KCNIP4: variants seen among roughly 807,000 people sequenced by gnomAD.
KCNIP4 encodes Kv channel-interacting protein 4.
A neutral mutation model predicts 34.0 loss-of-function variants in KCNIP4; 12 were observed. That is an observed-to-expected ratio of 0.35 (90% confidence interval 0.23 to 0.57). The LOEUF is 0.57. Ranked by LOEUF, KCNIP4 falls within the 20% of genes least tolerant of loss-of-function variation. The pLI is 0.83. For missense variants in KCNIP4, 238 were observed against 311.7 expected (o/e 0.76, Z 1.78); for synonymous variants, 124 against 102.2 (o/e 1.21, Z -1.29).
chr4:21,908,530 G>A (rs1728124797), intron 1 of KCNIP4, among the ~76,000 whole-genome samples: 1 of 152,154 alleles, frequency 6.6e-6, no homozygotes, highest in Non-Finnish European at 1.5e-5. Flanking sequence ...GATCATGCTA[G>A]AGTGAAGTTT....
intron 1 of KCNIP4, among the ~76,000 whole-genome samples, chr4:20,901,270 T>G (rs57965307): frequency 0.18 from 27,098 of 152,192 alleles, 2,537 homozygotes; most frequent in East Asian, 0.27. Context: ...ACTCCTTTCT[T>G]CAGTTCTTCC....
At chr4:21,111,898 G>T (rs1184197791) in intron 1 of KCNIP4, among the ~76,000 whole-genome samples, 2 of 152,222 alleles carry the variant, frequency 1.3e-5, no homozygotes, top group Admixed American at 1.3e-4. Flanking sequence ...GAAGGGAAAA[G>T]AGGAACATGC....
rs1416770529 is a variant in KCNIP4 at position 21,715,145 on chromosome 4, ATCTGGGCTCACTGCAAGCT to A, written c.61+233407_61+233425del. Among the ~76,000 whole-genome samples the A allele has an allele frequency of 3.3e-5, 5 of 149,788 alleles. No individual in the cohort carries two copies. The East Asian group carries it at 9.8e-4, about 29-fold the overall frequency. ...GCCCAGGCTGGAGTGCAGTGGCCCC[ATCTGGGCTCACTGCAAGCT>A]CCGCCTCCCGGGTTCACTCCATTCT... On this transcript the variant is annotated intron_variant, in intron 1 of 8. Transcript: ENST00000382152.
At chr4:20,861,284 G>T (rs1722168780) in intron 2 of KCNIP4, among the ~76,000 whole-genome samples, 1 of 152,160 alleles carries the variant, frequency 6.6e-6, no homozygotes, top group South Asian at 2.1e-4. Flanking sequence ...GCAGAGGTCT[G>T]GGAACTCCTT....
intron 1 of KCNIP4, among the ~76,000 whole-genome samples, chr4:21,805,885 A>T (rs1274048850): frequency 1.3e-5 from 2 of 152,204 alleles, no homozygotes; most frequent in Admixed American, 1.3e-4. Context: ...GGTGTGGCAC[A>T]TATTAAGCAA....
chr4:21,376,559 A>G (rs1212168069), intron 1 of KCNIP4, among the ~76,000 whole-genome samples: 2 of 152,202 alleles, frequency 1.3e-5, no homozygotes, highest in Admixed American at 6.5e-5. Flanking sequence ...CATCACAAGT[A>G]TATGCTTTTT....
At chr4:21,169,044 G>A (rs759289392) in intron 1 of KCNIP4, among the ~76,000 whole-genome samples, 1 of 152,134 alleles carries the variant, frequency 6.6e-6, no homozygotes, top group Non-Finnish European at 1.5e-5. Flanking sequence ...GCATTCACAG[G>A]TACATTTATT....
chr4:20,907,262 TTAAG>T (rs1027763858), intron 1 of KCNIP4, among the ~76,000 whole-genome samples: 6 of 152,312 alleles, frequency 3.9e-5, no homozygotes, highest in African/African-American at 1.2e-4. Flanking sequence ...GTTTTGGAAA[TTAAG>T]AGGATCCTCC....
intron 1 of KCNIP4, among the ~76,000 whole-genome samples, chr4:21,252,129 G>C (rs28404686): frequency 7.1e-5 from 8 of 112,892 alleles, no homozygotes; most frequent in Admixed American, 6.0e-4. Context: ...ATGAGGTTTT[G>C]TTTTTTTTTT....
intron 1 of KCNIP4, among the ~76,000 whole-genome samples, chr4:21,128,471 G>T (rs1750796280): frequency 1.3e-5 from 2 of 152,128 alleles, no homozygotes; most frequent in Non-Finnish European, 2.9e-5. Context: ...GCCAATATAG[G>T]AGACTATAAG....
At chr4:21,868,499 C>G (rs1277443456) in intron 1 of KCNIP4, among the ~76,000 whole-genome samples, 1 of 152,180 alleles carries the variant, frequency 6.6e-6, no homozygotes, top group Non-Finnish European at 1.5e-5. Context: ...AAAGACCTAA[C>G]TTCTACACCT....
intron 1 of KCNIP4, among the ~76,000 whole-genome samples, chr4:20,942,248 G>A (rs932509030): frequency 4.6e-5 from 7 of 152,198 alleles, no homozygotes; most frequent in Non-Finnish European, 8.8e-5. Flanking sequence ...TACATGGTGA[G>A]CACTGGATAA....
At chr4:21,453,463 T>C (rs1287824510) in intron 1 of KCNIP4, among the ~76,000 whole-genome samples, 1 of 152,010 alleles carries the variant, frequency 6.6e-6, no homozygotes. Context: ...GAGAACTAAA[T>C]GATCAGCAGA....
At chr4:21,116,355 G>A (rs77578483) in intron 1 of KCNIP4, among the ~76,000 whole-genome samples, 3,095 of 152,048 alleles carry the variant, frequency 0.02, 97 homozygotes, top group African/African-American at 0.071. Flanking sequence ...TTCCTAATTC[G>A]TTCATTCATT....
chr4:21,232,940 G>A (rs1200378854), intron 1 of KCNIP4, among the ~76,000 whole-genome samples: 4 of 152,134 alleles, frequency 2.6e-5, no homozygotes, highest in African/African-American at 9.7e-5. Context: ...ACCAAGGGAG[G>A]TGGAGAGGTT....
intron 1 of KCNIP4, among the ~76,000 whole-genome samples, chr4:21,389,915 C>G (rs1318831668): frequency 6.6e-6 from 1 of 151,660 alleles, no homozygotes; most frequent in Non-Finnish European, 1.5e-5. Context: ...TACAGTCCCC[C>G]CAACAGTGTA....
intron 1 of KCNIP4, chr4:21,303,875 ACTG>A: frequency 6.2e-7 from 1 of 1,614,118 alleles, no homozygotes; most frequent in Non-Finnish European, 8.5e-7. Context: ...GACGATCAGA[ACTG>A]CTATCATTTC....
intron 1 of KCNIP4, among the ~76,000 whole-genome samples, chr4:21,664,086 C>T (rs1426777197): frequency 1.3e-5 from 2 of 152,086 alleles, no homozygotes; most frequent in Admixed American, 1.3e-4. Context: ...GCTGGGACTA[C>T]AGGTGTGCAC....
chr4:21,101,196 T>C (rs1747911437), intron 1 of KCNIP4, among the ~76,000 whole-genome samples: 1 of 152,210 alleles, frequency 6.6e-6, no homozygotes, highest in Non-Finnish European at 1.5e-5. Flanking sequence ...CTCCCACTTA[T>C]AAGTGAGAAT....
Sources: gnomAD v4.1 joint callset for allele counts (sites outside exome capture counted in the v4.1 genomes callset) on GRCh38, gnomAD v4.1.1 for gene constraint, MANE v1.5 for transcripts, NCBI Gene and HGNC (gene_info 2026-07-23, HGNC 2026-07-21) for gene names.